The following TUBB8 variants were observed in gnomAD, a reference collection of about 807,000 sequenced individuals.
TUBB8 encodes tubulin beta 8 class VIII.
In TUBB8, 25 loss-of-function variants were observed where a neutral mutation model predicts 33.7. The observed-to-expected ratio is 0.74, with a 90% CI of 0.54 to 1.04. The LOEUF (loss-of-function observed/expected upper bound fraction) is 1.04, where lower values mean the gene tolerates loss of function less well. Among genes scored for constraint, TUBB8 ranks in the 50% least tolerant of loss-of-function variants. The pLI, the probability that TUBB8 is intolerant of heterozygous loss-of-function variation, is 0.00. For synonymous variants in TUBB8, 245 were observed against 240.1 expected (o/e 1.02, Z -0.19); for missense variants, 279 against 608.0 (o/e 0.46, Z 5.69).
intron 1 of TUBB8, among the ~76,000 whole-genome samples, chr10:54,787 C>CT (rs1834508608): frequency 6.6e-6 from 1 of 152,152 alleles, no homozygotes. Flanking sequence ...GAGATGAAGT[C>CT]TTGCTCTGTC....
At chr10:71,424 A>G (rs1184167075) in intron 1 of TUBB8, among the ~76,000 whole-genome samples, 1 of 151,952 alleles carries the variant, frequency 6.6e-6, no homozygotes, top group Non-Finnish European at 1.5e-5. Flanking sequence ...ACCTGAGGTC[A>G]GGAGTTCGAG....
At chr10:49,110 C>T (rs1588272741) in intron 1 of TUBB8, 72 bp downstream of exon 1, 4 of 1,473,114 alleles carry the variant, frequency 2.7e-6, no homozygotes, top group African/African-American at 1.4e-5. Context: ...GGGCACCGCC[C>T]CCGCCACTGC....
intron 1 of TUBB8, among the ~76,000 whole-genome samples, chr10:56,684 G>C (rs538514542): frequency 7.9e-5 from 12 of 152,254 alleles, no homozygotes; most frequent in African/African-American, 2.9e-4. Context: ...TGGAAATCCT[G>C]CCCTCATGAT....
At chr10:62,759 C>T (rs1285794725) in intron 1 of TUBB8, among the ~76,000 whole-genome samples, 3 of 152,238 alleles carry the variant, frequency 2.0e-5, no homozygotes, top group African/African-American at 4.8e-5. Flanking sequence ...TTGCCAAATA[C>T]ATTATTCTAA....
intron 1 of TUBB8, among the ~76,000 whole-genome samples, chr10:61,252 T>A (rs1834598410): frequency 6.6e-6 from 1 of 152,030 alleles, no homozygotes; most frequent in East Asian, 1.9e-4. Context: ...ATAAAGAAAT[T>A]TTCCTTTCAT....
intron 1 of TUBB8, among the ~76,000 whole-genome samples, chr10:62,371 G>C (rs1834614244): frequency 6.9e-6 from 1 of 145,220 alleles, no homozygotes; most frequent in South Asian, 2.3e-4. Flanking sequence ...AACAAGCAAA[G>C]CAACTAATAA....
At position 48,017 on chromosome 10, in the gene TUBB8, C is replaced by T. The variant is rs782337336; in HGVS notation, c.375G>A (p.Glu125=). ...SVMDVVRKEA[E]SCDCLQGFQL... is the part of the protein sequence containing the mutation. The stretch of plus-strand genomic sequence containing the variant: ...GGAAACCCTGCAGGCAGTCACAGCT[C>T]TCAGCCTCCTTTCTGACAACGTCCA... Residue 125 remains glutamate (E), a synonymous_variant, in exon 4 of 4, where the codon GAG becomes GAA. Coordinates refer to ENST00000568584, the MANE Select transcript of TUBB8 (RefSeq NM_177987.3). 6.8e-6 allele frequency: 11 copies of T among 1,613,970 alleles called. No homozygotes were observed. Among genetic ancestry groups the T allele is most frequent in the Non-Finnish European group, 8.5e-6 (10 of 1,179,972 alleles).
chr10:64,296 A>ACCCTAC, intron 1 of TUBB8, among the ~76,000 whole-genome samples: 1 of 134,516 alleles, frequency 7.4e-6, no homozygotes. Flanking sequence ...CCTAACCCTA[A>ACCCTAC]CCCTAACCCC....
chr10:64,334 C>A (rs190629900), intron 1 of TUBB8, among the ~76,000 whole-genome samples: 38 of 134,650 alleles, frequency 2.8e-4, no homozygotes, highest in Admixed American at 2.5e-3. Flanking sequence ...CTAGCCTTAG[C>A]CCTAACCCTT....
rs1208436307 is a variant in TUBB8, at chr10:48,083, C to A, written c.309G>T (p.Lys103Asn). 38 of 1,613,800 alleles carry A rather than the reference C, an allele frequency of 2.4e-5. No homozygotes were observed. The highest frequency in any genetic ancestry group is 3.0e-5 in the Non-Finnish European group (35 of 1,179,930). Residue 103 changes from lysine to asparagine, a missense_variant, in exon 4 of 4, where the codon AAG becomes AAT. Lys to Asn is a moderately conservative substitution (Grantham distance 94). This residue lies in a region of TUBB8 where 96 missense variants were observed against 233.7 expected (regional missense o/e 0.41). Transcript: ENST00000568584. ...GQCGAGNNWA[K>N]GHYTEGAELM... Reference sequence around the variant, plus strand: ...GCTCCGCGCCTTCGGTGTAGTGTCCCTTGGCCCAGTTGTTTCCGGCCCCAC... The same window carrying A: ...GCTCCGCGCCTTCGGTGTAGTGTCCATTGGCCCAGTTGTTTCCGGCCCCAC...
chr10:70,316 G>A (rs189357902), intron 1 of TUBB8, among the ~76,000 whole-genome samples: 5 of 151,424 alleles, frequency 3.3e-5, no homozygotes, highest in African/African-American at 1.2e-4. Flanking sequence ...AAGTTTTAGG[G>A]TACATGTGCA....
upstream of TUBB8, among the ~76,000 whole-genome samples, chr10:53,938 T>G (rs1554739907): frequency 6.6e-6 from 1 of 152,276 alleles, no homozygotes; most frequent in South Asian, 2.1e-4. Context: ...GGTGTATATA[T>G]TTATGGGGGT....
intron 1 of TUBB8, among the ~76,000 whole-genome samples, chr10:61,081 G>T (rs1193291138): frequency 8.0e-6 from 1 of 124,374 alleles, no homozygotes; most frequent in Non-Finnish European, 1.6e-5. Context: ...GTTGTGGGGT[G>T]GGGGGAGGGG....
At chr10:74,258 T>A (rs1350153449), upstream of TUBB8, 4 of 151,308 alleles carry the variant, frequency 2.6e-5, no homozygotes, top group South Asian at 8.3e-4. Context: ...CAGCGTCTGA[T>A]TTTTTCCAGG....
At chr10:57,222 G>A (rs1834543239) in intron 1 of TUBB8, among the ~76,000 whole-genome samples, 2 of 152,334 alleles carry the variant, frequency 1.3e-5, no homozygotes, top group Admixed American at 1.3e-4. Context: ...CTGGTATTGT[G>A]TGCCTCTGGC....
At chr10:59,928 A>G (rs1443234541) in intron 1 of TUBB8, among the ~76,000 whole-genome samples, 38 of 152,122 alleles carry the variant, frequency 2.5e-4, no homozygotes, top group African/African-American at 8.9e-4. Context: ...TACTTATAGT[A>G]GCCACTAATG....
chr10:62,805 T>C (rs536729969), intron 1 of TUBB8, among the ~76,000 whole-genome samples: 58 of 152,378 alleles, frequency 3.8e-4, no homozygotes, highest in Admixed American at 9.1e-4. Context: ...TTTTCTAATA[T>C]GTCATGCCAC....
At chr10:51,545 A>G (rs1426105121), upstream of TUBB8, among the ~76,000 whole-genome samples, 5 of 152,214 alleles carry the variant, frequency 3.3e-5, no homozygotes, top group African/African-American at 1.2e-4. Context: ...TTTATAAATT[A>G]CCCAGCCTCA....
chr10:50,759 C>A (rs1490994173), upstream of TUBB8, among the ~76,000 whole-genome samples: 3 of 152,190 alleles, frequency 2.0e-5, no homozygotes, highest in Non-Finnish European at 4.4e-5. Flanking sequence ...CTAGTTAGTT[C>A]AATTAACTCA....
Sources: allele counts gnomAD v4.1 joint callset (sites outside exome capture counted in the v4.1 genomes callset), GRCh38; gene constraint gnomAD v4.1.1; regional missense constraint gnomAD v4.1.1; transcripts MANE v1.5; gene names NCBI Gene and HGNC (gene_info 2026-07-23, HGNC 2026-07-21).